The following PARD3B variants were observed in gnomAD, a reference collection of about 807,000 sequenced individuals.
PARD3B encodes the protein par-3 family cell polarity regulator beta.
PARD3B carries 103 observed loss-of-function variants against 130.2 expected under a neutral mutation model. The ratio of observed to expected loss-of-function variants is 0.79; its 90% CI spans 0.67 to 0.93. The LOEUF (loss-of-function observed/expected upper bound fraction) is 0.93. Among genes scored for constraint, PARD3B ranks in the 40% least tolerant of loss-of-function variants. The pLI, the probability that PARD3B is intolerant of heterozygous loss-of-function variation, is 0.00. For missense variants in PARD3B, 1,609 were observed against 1,499.2 expected, an observed-to-expected ratio of 1.07 and a Z score of -1.21; for synonymous variants, 583 against 553.2, an observed-to-expected ratio of 1.05 and a Z score of -0.76.
At chr2:205,444,307 A>C (rs998924777) in intron 20 of PARD3B, among the ~76,000 whole-genome samples, 1 of 151,970 alleles carries the variant, frequency 6.6e-6, no homozygotes, top group African/African-American at 2.4e-5. Flanking sequence ...TTTTTTAACT[A>C]TCCAGGTGTG....
At chr2:205,141,349 G>A (rs1489013778) in intron 10 of PARD3B, among the ~76,000 whole-genome samples, 1 of 152,160 alleles carries the variant, frequency 6.6e-6, no homozygotes, top group Non-Finnish European at 1.5e-5. Context: ...GTTTTATTTA[G>A]AACAAATGAA....
At chr2:205,540,619 A>G (rs181330995) in intron 21 of PARD3B, among the ~76,000 whole-genome samples, 1 of 152,312 alleles carries the variant, frequency 6.6e-6, no homozygotes, top group East Asian at 1.9e-4. Context: ...GTCCATTGTC[A>G]TTATTTTGAT....
intron 2 of PARD3B, among the ~76,000 whole-genome samples, chr2:204,898,289 TA>T (rs1189294274): frequency 5.3e-5 from 8 of 152,134 alleles, no homozygotes; most frequent in Admixed American, 2.6e-4. Flanking sequence ...TTGTAGCATT[TA>T]TTTTTTTATG....
At chr2:204,601,231 A>G (rs2033498611) in intron 1 of PARD3B, among the ~76,000 whole-genome samples, 1 of 151,964 alleles carries the variant, frequency 6.6e-6, no homozygotes, top group Admixed American at 6.6e-5. Context: ...GATTAGTTGG[A>G]GAGGTTAATA....
At chr2:205,228,428 C>G (rs1161838784) in intron 15 of PARD3B, among the ~76,000 whole-genome samples, 1 of 151,934 alleles carries the variant, frequency 6.6e-6, no homozygotes, top group Non-Finnish European at 1.5e-5. Context: ...TATATCCTGT[C>G]ACTCTCTCAT....
At position 204,877,529 on chromosome 2, in the gene PARD3B, A is replaced by G. The variant is rs373359426; in HGVS notation, c.223-87623A>G. Among the ~76,000 whole-genome samples the G allele has an allele frequency of 6.8e-4, 103 of 152,322 alleles. 3 individuals carry two copies. The South Asian group carries it at 0.019, about 29-fold the overall frequency. ...AGCGTATGTGCAGTTTTTGATAACTATAAGGTCCTGGAACCAATGCCTATA... is the reference window on the plus strand; with the variant it reads ...AGCGTATGTGCAGTTTTTGATAACTGTAAGGTCCTGGAACCAATGCCTATA... On this transcript the variant is annotated intron_variant, in intron 2 of 22. Coordinates refer to ENST00000406610, the MANE Select transcript of PARD3B (RefSeq NM_001302769.2).
rs965229364 is a variant in PARD3B at position 205,090,367 on chromosome 2, G to A, written c.505-14059G>A. On this transcript the variant is annotated intron_variant, in intron 4 of 22. Coordinates refer to ENST00000406610, the MANE Select transcript of PARD3B (RefSeq NM_001302769.2). ...GCATTGAGTAAGTGATCTGTTACAG[G>A]TTTGAAACATAACTGCTTCATGTAT... Among the ~76,000 whole-genome samples the A allele has an allele frequency of 4.6e-5, 7 of 152,184 alleles. No individual in the cohort carries two copies. In the East Asian group the frequency reaches 9.6e-4, roughly 21 times the overall value.
chr2:205,606,441 T>TAGTC (rs1208951019), intron 22 of PARD3B, among the ~76,000 whole-genome samples: 1 of 152,138 alleles, frequency 6.6e-6, no homozygotes, highest in East Asian at 1.9e-4. Flanking sequence ...GCCACCCACC[T>TAGTC]AGTCAGTCCC....
At chr2:204,916,352 A>C (rs1368875595) in intron 2 of PARD3B, among the ~76,000 whole-genome samples, 1 of 152,208 alleles carries the variant, frequency 6.6e-6, no homozygotes, top group African/African-American at 2.4e-5. Context: ...AGATTTAATT[A>C]CCTATTAAAT....
At chr2:205,498,045 A>ACACACACACACACACACAC (rs1559149195) in intron 20 of PARD3B, among the ~76,000 whole-genome samples, 1 of 151,208 alleles carries the variant, frequency 6.6e-6, no homozygotes, top group Non-Finnish European at 1.5e-5. Context: ...ACACACACAC[A>ACACACACACACACACACAC]AAGAATTTGC....
intron 3 of PARD3B, among the ~76,000 whole-genome samples, chr2:204,971,473 G>A (rs896291266): frequency 4.6e-5 from 7 of 152,206 alleles, no homozygotes; most frequent in African/African-American, 1.7e-4. Context: ...ATTACCCAGA[G>A]TTAAAATTGC....
chr2:204,594,144 C>T (rs938067871), intron 1 of PARD3B, among the ~76,000 whole-genome samples: 3 of 152,134 alleles, frequency 2.0e-5, no homozygotes, highest in Non-Finnish European at 4.4e-5. Flanking sequence ...GCAAGGTTAT[C>T]TTCATTGATA....
intron 4 of PARD3B, among the ~76,000 whole-genome samples, chr2:205,079,777 AC>A (rs1253235355): frequency 6.6e-6 from 1 of 152,056 alleles, no homozygotes; most frequent in Non-Finnish European, 1.5e-5. Flanking sequence ...TAACCAAAAA[AC>A]ATTTAATAAG....
chr2:205,616,034 T>TA lies in PARD3B; in HGVS notation c.*226dup. 1 of 545,602 alleles carries TA rather than the reference T, an allele frequency of 1.8e-6. No individual in the cohort carries two copies. Among genetic ancestry groups the TA allele is most frequent in the Non-Finnish European group, 3.2e-6 (1 of 312,002 alleles). The allele number at this position is 545,602 out of a possible 1,614,324, so 33.8% of individuals were successfully genotyped here. On this transcript the variant is annotated 3_prime_UTR_variant, in exon 23 of 23. Coordinates refer to ENST00000406610, the MANE Select transcript of PARD3B (RefSeq NM_001302769.2). ...AGAAGGAAGACGAAAGATGGGGCTA[T>TA]AAAAACAAAACTACCTGATAGTTGA...
chr2:205,329,528 G>A (rs551909413), intron 18 of PARD3B, among the ~76,000 whole-genome samples: 73 of 152,300 alleles, frequency 4.8e-4, no homozygotes, highest in African/African-American at 1.7e-3. Flanking sequence ...CAGCCTCAGT[G>A]CATCTTTGTC....
intron 18 of PARD3B, among the ~76,000 whole-genome samples, chr2:205,337,228 T>C (rs1259876870): frequency 6.6e-6 from 1 of 152,208 alleles, no homozygotes; most frequent in African/African-American, 2.4e-5. Flanking sequence ...AGTTGAAAGA[T>C]ATTTTGTGAC....
Position 204,591,279 on chromosome 2 carries a change from T to C in PARD3B, c.120+45160T>C, listed in dbSNP as rs997624168. 2.0e-5 allele frequency among the ~76,000 whole-genome samples: 3 copies of C among 152,328 alleles called. 1 individual carries two copies. The highest frequency in any genetic ancestry group is 4.8e-5 in the African/African-American group (2 of 41,594). ...TGGAAGGAGAGAGGAGCTGATTGTC[T>C]TTTATTGTGGGGCTGACAGAATGTT... On this transcript the variant is annotated intron_variant, in intron 1 of 22. Coordinates refer to ENST00000406610, the MANE Select transcript of PARD3B (RefSeq NM_001302769.2).
intron 1 of PARD3B, among the ~76,000 whole-genome samples, chr2:204,573,584 G>A (rs2032107284): frequency 6.6e-6 from 1 of 152,150 alleles, no homozygotes; most frequent in African/African-American, 2.4e-5. Context: ...GCTAATACAG[G>A]TTTTTGTTTG....
At position 205,530,083 on chromosome 2, in the gene PARD3B, A is replaced by G. The variant is rs768543985; in HGVS notation, c.3181-23241A>G. Among the ~76,000 whole-genome samples the G allele has an allele frequency of 1.3e-5, 2 of 152,198 alleles. No individual in the cohort carries two copies. The highest frequency in any genetic ancestry group is 2.9e-5 in the Non-Finnish European group (2 of 68,034). The stretch of plus-strand genomic sequence containing the variant: ...GAGTAAGAAATGCTATCCGTAGGGT[A>G]TGCACATTCCCACCACAAGATGCAA... On this transcript the variant is annotated intron_variant, in intron 21 of 22. Transcript: ENST00000406610. This position sits in a 1 kb window ranked among gnomAD's most constrained non-coding sequence, Gnocchi z 4.7.
Sources: gnomAD v4.1 joint callset for allele counts (sites outside exome capture counted in the v4.1 genomes callset) on GRCh38, gnomAD v4.1.1 for gene constraint, Gnocchi (gnomAD v3.1) non-coding constraint, MANE v1.5 for transcripts, NCBI Gene and HGNC (gene_info 2026-07-23, HGNC 2026-07-21) for gene names.